NHSL1: variants seen among roughly 807,000 people sequenced by gnomAD.
NHSL1 encodes the protein NHS-like protein 1.
NHSL1 carries 48 observed loss-of-function variants against 95.0 expected under a neutral mutation model. That is an observed-to-expected ratio of 0.51 (90% CI 0.40 to 0.64). NHSL1 has a LOEUF of 0.64. Ranked by LOEUF, NHSL1 falls within the 30% of genes least tolerant of loss-of-function variation. NHSL1 has a pLI of 0.00. For synonymous variants in NHSL1, 783 were observed against 833.9 expected (o/e 0.94, Z 1.05); for missense variants, 1,971 against 2,077.7 (o/e 0.95, Z 1.00).
chr6:138,664,173 T>C (rs990404489), intron 1 of NHSL1, among the ~76,000 whole-genome samples: 4 of 152,256 alleles, frequency 2.6e-5, no homozygotes, highest in Admixed American at 6.5e-5. Context: ...ATATTCACCA[T>C]GTGCTTGCCA....
upstream of NHSL1, among the ~76,000 whole-genome samples, chr6:138,503,840 A>G (rs575136225): frequency 2.2e-4 from 33 of 152,210 alleles, no homozygotes; most frequent in African/African-American, 6.3e-4. Flanking sequence ...TTGCCCCCCA[A>G]ACTGTTTCTC....
At chr6:138,481,458 AATTT>A (rs958762034) in intron 2 of NHSL1, among the ~76,000 whole-genome samples, 2 of 152,210 alleles carry the variant, frequency 1.3e-5, no homozygotes, top group Non-Finnish European at 2.9e-5. Context: ...GTTGAACTTC[AATTT>A]ATTTAAATTG....
intron 1 of NHSL1, among the ~76,000 whole-genome samples, chr6:138,525,062 T>G (rs1445889526): frequency 6.6e-6 from 1 of 152,194 alleles, no homozygotes; most frequent in African/African-American, 2.4e-5. Flanking sequence ...TGGCCCACCA[T>G]GGACATTTCT....
chr6:138,444,014 T>C, intron 4 of NHSL1, among the ~76,000 whole-genome samples: 1 of 152,164 alleles, frequency 6.6e-6, no homozygotes, highest in East Asian at 1.9e-4. Flanking sequence ...AAGTCTCTTC[T>C]ACTGGATTAT....
intron 1 of NHSL1, among the ~76,000 whole-genome samples, chr6:138,599,387 C>G (rs1175816471): frequency 2.0e-5 from 3 of 152,068 alleles, no homozygotes; most frequent in Admixed American, 1.3e-4. Context: ...TGGCAGGTGC[C>G]TGTAATTCCA....
At chr6:138,439,824 G>A (rs942433981) in intron 5 of NHSL1, among the ~76,000 whole-genome samples, 1 of 151,700 alleles carries the variant, frequency 6.6e-6, no homozygotes. Context: ...CATTAGTGAC[G>A]TTCCATGTCA....
rs528249168 is a variant in NHSL1, at chr6:138,439,063, T to G, written c.664+2920A>C. 5.9e-5 allele frequency among the ~76,000 whole-genome samples: 9 copies of G among 152,346 alleles called. No individual in the cohort carries two copies. In the South Asian group the frequency reaches 1.7e-3, roughly 28 times the overall value. ...ATAAGTTTTGGAAATAAGCATTAAA[T>G]ATCATACCTTGATTTTAAAGTGTTA... On this transcript the variant is annotated intron_variant, in intron 5 of 7. Transcript: ENST00000343505.
intron 1 of NHSL1, among the ~76,000 whole-genome samples, chr6:138,538,695 T>C (rs1782460889): frequency 6.6e-6 from 1 of 152,206 alleles, no homozygotes; most frequent in Non-Finnish European, 1.5e-5. Flanking sequence ...ATAGATGGCC[T>C]CTTGTGGTCA....
At chr6:138,607,854 T>A (rs1784455414) in intron 1 of NHSL1, among the ~76,000 whole-genome samples, 1 of 152,158 alleles carries the variant, frequency 6.6e-6, no homozygotes, top group South Asian at 2.1e-4. Flanking sequence ...AGAAACAGAA[T>A]CAAAAGTTTC....
intron 1 of NHSL1, among the ~76,000 whole-genome samples, chr6:138,677,598 CA>C (rs1199672820): frequency 6.6e-6 from 1 of 152,152 alleles, no homozygotes; most frequent in Non-Finnish European, 1.5e-5. Context: ...TGACCAGAGG[CA>C]AAAGCTTTTT....
At chr6:138,569,412 G>C (rs1385350373) in intron 1 of NHSL1, among the ~76,000 whole-genome samples, 2 of 152,128 alleles carry the variant, frequency 1.3e-5, no homozygotes, top group Non-Finnish European at 2.9e-5. Flanking sequence ...TGAAAGAAAG[G>C]TGGATTAGGC....
chr6:138,521,532 G>A (rs1481018193), intron 1 of NHSL1, among the ~76,000 whole-genome samples: 1 of 152,046 alleles, frequency 6.6e-6, no homozygotes, highest in East Asian at 1.9e-4. Context: ...GACATAGCAT[G>A]AGTATTCTGG....
chr6:138,517,825 A>C (rs1019456936), intron 1 of NHSL1, among the ~76,000 whole-genome samples: 3 of 152,216 alleles, frequency 2.0e-5, no homozygotes, highest in Non-Finnish European at 2.9e-5. Context: ...CTCCCAGAGC[A>C]GGTCAGTGCT....
At chr6:138,682,242 A>T (rs1403606416) in intron 1 of NHSL1, among the ~76,000 whole-genome samples, 1 of 152,232 alleles carries the variant, frequency 6.6e-6, no homozygotes, top group Non-Finnish European at 1.5e-5. Context: ...TCAAAAGGGT[A>T]AGTGAAAATA....
At chr6:138,653,424 T>C (rs1785117040) in intron 1 of NHSL1, among the ~76,000 whole-genome samples, 1 of 152,086 alleles carries the variant, frequency 6.6e-6, no homozygotes, top group South Asian at 2.1e-4. Flanking sequence ...CGTAGTGGCA[T>C]GTGCCTGTAA....
chr6:138,640,254 A>G (rs1426508748), intron 1 of NHSL1, among the ~76,000 whole-genome samples: 1 of 152,216 alleles, frequency 6.6e-6, no homozygotes, highest in Non-Finnish European at 1.5e-5. Flanking sequence ...TGGTATAGCT[A>G]GAAAGTGAAA....
chr6:138,501,126 A>T (rs976890941), upstream of NHSL1, among the ~76,000 whole-genome samples: 1 of 152,222 alleles, frequency 6.6e-6, no homozygotes, highest in Non-Finnish European at 1.5e-5. Context: ...TCACCATGCA[A>T]ATGTCCAGTG....
In NHSL1 at chr6:138,505,126, G is replaced by A. The variant is rs116703136; in HGVS notation, c.17-8755C>T. Among the ~76,000 whole-genome samples, 601 of 151,852 alleles carry A rather than the reference G, an allele frequency of 4.0e-3. 7 individuals carry two copies. Among genetic ancestry groups the A allele is most frequent in the African/African-American group, 0.014 (565 of 41,370 alleles). On this transcript the variant is annotated intron_variant, in intron 1 of 4. Transcript: ENST00000342260. ...CTCAGACATAGCCTTGCCCATCCCCGCCCCCATCCCTATTTACACAAACCC... is the reference window on the plus strand; with the variant it reads ...CTCAGACATAGCCTTGCCCATCCCCACCCCCATCCCTATTTACACAAACCC...
chr6:138,625,562 T>C (rs1166825370), intron 1 of NHSL1, among the ~76,000 whole-genome samples: 1 of 152,018 alleles, frequency 6.6e-6, no homozygotes, highest in Non-Finnish European at 1.5e-5. Context: ...TTATTTTCTC[T>C]TTATATATTC....
Sources: gnomAD v4.1 joint callset for allele counts (sites outside exome capture counted in the v4.1 genomes callset) on GRCh38, gnomAD v4.1.1 for gene constraint, MANE v1.5 for transcripts, NCBI Gene and HGNC (gene_info 2026-07-23, HGNC 2026-07-21) for gene names.